Variants in TMTC2 observed in about 807,000 individuals in gnomAD.
The protein encoded by TMTC2 is protein O-mannosyl-transferase TMTC2.
In TMTC2, 43 loss-of-function variants were observed where a neutral mutation model predicts 82.4. The ratio of observed to expected loss-of-function variants is 0.52; its 90% CI spans 0.41 to 0.67. The LOEUF is 0.67. TMTC2 is among the 30% of genes least tolerant of loss of function. The pLI, the probability that TMTC2 is intolerant of heterozygous loss-of-function variation, is 0.00. For missense variants in TMTC2, 919 were observed against 1,012.4 expected, an observed-to-expected ratio of 0.91 and a Z score of 1.25; for synonymous variants, 408 against 381.9, an observed-to-expected ratio of 1.07 and a Z score of -0.80.
intron 1 of TMTC2, among the ~76,000 whole-genome samples, chr12:82,733,049 T>C (rs1309003158): frequency 1.3e-5 from 2 of 152,212 alleles, no homozygotes; most frequent in Non-Finnish European, 2.9e-5. Flanking sequence ...TTTTAATTGT[T>C]CTCAGAGGGA....
At chr12:82,893,165 A>G (rs1873480370) in intron 2 of TMTC2, among the ~76,000 whole-genome samples, 1 of 151,962 alleles carries the variant, frequency 6.6e-6, no homozygotes, top group African/African-American at 2.4e-5. Flanking sequence ...AGGTCAAGAG[A>G]TCAAGACCAT....
At chr12:82,730,296 CA>C (rs368959079) in intron 1 of TMTC2, among the ~76,000 whole-genome samples, 8 of 78,982 alleles carry the variant, frequency 1.0e-4, no homozygotes, top group African/African-American at 2.0e-4. Flanking sequence ...CTCTGTCTCT[CA>C]AAAAAAAAAA....
intron 3 of TMTC2, among the ~76,000 whole-genome samples, chr12:82,905,063 G>T (rs1874221798): frequency 6.6e-6 from 1 of 150,906 alleles, no homozygotes; most frequent in Non-Finnish European, 1.5e-5. Context: ...ATATAGTAGG[G>T]GTCAATAAAT....
chr12:82,728,804 A>G (rs1874598722), intron 1 of TMTC2, among the ~76,000 whole-genome samples: 1 of 152,222 alleles, frequency 6.6e-6, no homozygotes, highest in Admixed American at 6.5e-5. Flanking sequence ...GGCTGCACGC[A>G]GTGCTTGCAG....
chr12:82,949,867 A>G lies in TMTC2; in HGVS notation c.1599-15157A>G, dbSNP rs576194271. Among the ~76,000 whole-genome samples the G allele has an allele frequency of 3.9e-5, 6 of 152,322 alleles. No homozygotes were observed. In the East Asian group the frequency reaches 1.2e-3, roughly 29 times the overall value. On this transcript the variant is annotated intron_variant, in intron 4 of 11. Transcript: ENST00000321196. Reference sequence around the variant, plus strand: ...TCCAAAGCACAAGAGTAACTCAAGGAAACCCCTTTATAAGTGTATTGGTTG... The same window carrying G: ...TCCAAAGCACAAGAGTAACTCAAGGGAACCCCTTTATAAGTGTATTGGTTG...
intron 11 of TMTC2, among the ~76,000 whole-genome samples, chr12:83,110,837 A>G (rs1884575636): frequency 6.6e-6 from 1 of 152,202 alleles, no homozygotes; most frequent in Admixed American, 6.5e-5. Flanking sequence ...CATGGTGTTA[A>G]AGGACATTGA....
At chr12:83,108,903 TG>T (rs1884506720) in intron 11 of TMTC2, among the ~76,000 whole-genome samples, 1 of 152,202 alleles carries the variant, frequency 6.6e-6, no homozygotes, top group Admixed American at 6.5e-5. Context: ...TTAATGAAAT[TG>T]TATTATTTTC....
chr12:82,855,631 A>G (rs1871228533), intron 1 of TMTC2, among the ~76,000 whole-genome samples: 1 of 152,198 alleles, frequency 6.6e-6, no homozygotes, highest in Admixed American at 6.5e-5. Flanking sequence ...TAGGGATACA[A>G]AAAGACTCCA....
intron 1 of TMTC2, among the ~76,000 whole-genome samples, chr12:82,708,419 A>G (rs1346899153): frequency 6.6e-6 from 1 of 152,184 alleles, no homozygotes; most frequent in African/African-American, 2.4e-5. Context: ...AGTGAGCACT[A>G]TCTGTGACTT....
chr12:83,093,540 G>A (rs935314825), intron 11 of TMTC2, among the ~76,000 whole-genome samples: 9 of 152,202 alleles, frequency 5.9e-5, no homozygotes, highest in African/African-American at 1.9e-4. Context: ...TGTTAAGTAA[G>A]TTGTCAGCTT....
intron 3 of TMTC2, among the ~76,000 whole-genome samples, chr12:82,898,319 A>T (rs1461978018): frequency 6.6e-6 from 1 of 152,212 alleles, no homozygotes; most frequent in Non-Finnish European, 1.5e-5. Context: ...CTGCACTGGT[A>T]GATGTAAGGT....
intron 1 of TMTC2, among the ~76,000 whole-genome samples, chr12:82,850,327 G>A (rs1333309936): frequency 6.6e-6 from 1 of 152,146 alleles, no homozygotes; most frequent in South Asian, 2.1e-4. Context: ...ATTCGCAAAA[G>A]CAGCACATGT....
Position 82,785,002 on chromosome 12 carries a change from A to G in TMTC2, c.84-72008A>G, listed in dbSNP as rs1001050629. ...TGTTCAGTTTCCAATTGGGAATAAT[A>G]AGAGTGAACAACTGAAGGCTATTAC... is the stretch of plus-strand genomic sequence containing the variant. On this transcript the variant is annotated intron_variant, in intron 1 of 11. Transcript: ENST00000321196. Among the ~76,000 whole-genome samples the G allele has an allele frequency of 4.6e-5, 7 of 152,202 alleles. No individual in the cohort carries two copies. The South Asian group carries it at 1.5e-3, about 32-fold the overall frequency.
chr12:82,888,033 C>T (rs1373107888), intron 2 of TMTC2, among the ~76,000 whole-genome samples: 2 of 151,984 alleles, frequency 1.3e-5, no homozygotes, highest in Non-Finnish European at 2.9e-5. Context: ...GAGCCGAAAT[C>T]GCGCCATTGC....
At chr12:83,082,412 A>G (rs995398900) in intron 11 of TMTC2, among the ~76,000 whole-genome samples, 3 of 152,180 alleles carry the variant, frequency 2.0e-5, no homozygotes, top group African/African-American at 7.2e-5. Context: ...TATGATACAC[A>G]CCGTCCCTAA....
intron 1 of TMTC2, among the ~76,000 whole-genome samples, chr12:82,840,994 G>A (rs1012378363): frequency 2.0e-5 from 3 of 152,056 alleles, no homozygotes; most frequent in African/African-American, 7.2e-5. Context: ...TGGCCAGGCT[G>A]GTCTCAAACA....
At position 83,132,431 on chromosome 12, in the gene TMTC2, G is replaced by A. The variant is rs753162481; in HGVS notation, c.*42G>A. 1 of 1,606,022 alleles carries A rather than the reference G, an allele frequency of 6.2e-7. No individual in the cohort carries two copies. The highest frequency in any genetic ancestry group is 2.2e-5 in the East Asian group (1 of 44,690). ...CCATCCTCCTCCATTTTTAAAAGCTGGCTTCCTTAGCAGACAGAACTTCCC... is the reference window on the plus strand; with the variant it reads ...CCATCCTCCTCCATTTTTAAAAGCTAGCTTCCTTAGCAGACAGAACTTCCC... On this transcript the variant is annotated 3_prime_UTR_variant, in exon 12 of 12. Coordinates refer to ENST00000321196, the MANE Select transcript of TMTC2 (RefSeq NM_152588.3).
intron 7 of TMTC2, among the ~76,000 whole-genome samples, chr12:82,979,144 C>T (rs1261262729): frequency 6.6e-6 from 1 of 151,260 alleles, no homozygotes; most frequent in East Asian, 1.9e-4. Flanking sequence ...TTTAGCCACT[C>T]AATGTTTTTA....
intron 1 of TMTC2, among the ~76,000 whole-genome samples, chr12:82,734,904 TAAG>T (rs1875006611): frequency 6.6e-6 from 1 of 152,164 alleles, no homozygotes; most frequent in Non-Finnish European, 1.5e-5. Context: ...GAAGGTCTCT[TAAG>T]AGAATTAGAA....
Sources: gnomAD v4.1 joint callset for allele counts (sites outside exome capture counted in the v4.1 genomes callset) on GRCh38, gnomAD v4.1.1 for gene constraint, MANE v1.5 for transcripts, NCBI Gene and HGNC (gene_info 2026-07-23, HGNC 2026-07-21) for gene names.